Variants in PAK2 observed in about 807,000 individuals in gnomAD.
The protein encoded by PAK2 is serine/threonine-protein kinase PAK 2.
PAK2 carries 21 observed loss-of-function variants against 65.9 expected under a neutral mutation model. The ratio of observed to expected loss-of-function variants is 0.32; its 90% CI spans 0.23 to 0.46. PAK2 has a LOEUF of 0.46. Among genes scored for constraint, PAK2 ranks in the 20% least tolerant of loss-of-function variants. The pLI is 1.00. For missense variants in PAK2, 324 were observed against 642.6 expected (o/e 0.50, Z 5.36); for synonymous variants, 204 against 219.7 (o/e 0.93, Z 0.63).
intron 1 of PAK2, among the ~76,000 whole-genome samples, chr3:196,772,922 A>C (rs1714405593): frequency 6.6e-6 from 1 of 152,218 alleles, no homozygotes; most frequent in Non-Finnish European, 1.5e-5. Context: ...AATGCTTTTT[A>C]AATCATTGTG....
At chr3:196,753,542 AT>A (rs749815436) in intron 1 of PAK2, among the ~76,000 whole-genome samples, 1 of 152,248 alleles carries the variant, frequency 6.6e-6, no homozygotes, top group Non-Finnish European at 1.5e-5. Context: ...AACACAAGTT[AT>A]TGAAACCTTG....
At position 196,830,283 on chromosome 3, in the gene PAK2, A is replaced by G. The variant is rs939666525; in HGVS notation, c.*1878A>G. The G allele has an allele frequency of 6.6e-6, 1 of 152,202 alleles. No homozygotes were observed. The highest frequency in any genetic ancestry group is 2.4e-5 in the African/African-American group (1 of 41,454). The allele number at this position is 152,202 out of a possible 1,614,324, so 9.4% of individuals were successfully genotyped here. A position where few individuals can be genotyped will look rare whatever the true frequency, so the allele number is the denominator to read the frequency against. On this transcript the variant is annotated 3_prime_UTR_variant, in exon 15 of 15. Transcript: ENST00000327134. Reference sequence around the variant, plus strand: ...GAGCACTTAATGGTCTCTGTTTTCAATATAATTCTTGATTTCATTTTTCTC... The same window carrying G: ...GAGCACTTAATGGTCTCTGTTTTCAGTATAATTCTTGATTTCATTTTTCTC...
intron 1 of PAK2, among the ~76,000 whole-genome samples, chr3:196,779,589 C>T (rs112508277): frequency 1.3e-5 from 2 of 152,308 alleles, no homozygotes; most frequent in African/African-American, 4.8e-5. Flanking sequence ...GCAGTTTCTA[C>T]TCACATTCCA....
rs576472570 is a variant in PAK2, at chr3:196,824,580, C to T, written c.1351-2616C>T. Among the ~76,000 whole-genome samples, 7 of 152,034 alleles carry T rather than the reference C, an allele frequency of 4.6e-5. No homozygotes were observed. In the South Asian group the frequency reaches 6.2e-4, roughly 14 times the overall value. ...GTGGTTATGGGGTTTGGCAGGGGATCGGGGGTAGAGAGGATGAGTAGGTGA... is the reference window on the plus strand; with the variant it reads ...GTGGTTATGGGGTTTGGCAGGGGATTGGGGGTAGAGAGGATGAGTAGGTGA... On this transcript the variant is annotated intron_variant, in intron 13 of 14. Transcript: ENST00000327134.
intron 10 of PAK2, among the ~76,000 whole-genome samples, chr3:196,813,811 A>G (rs1715905806): frequency 1.3e-5 from 2 of 151,152 alleles, no homozygotes; most frequent in Non-Finnish European, 3.0e-5. Context: ...TTAGCTGGGC[A>G]TGGTGCCGCA....
chr3:196,808,628 A>G (rs1299277568), intron 7 of PAK2, among the ~76,000 whole-genome samples: 1 of 149,764 alleles, frequency 6.7e-6, no homozygotes, highest in African/African-American at 2.5e-5. Flanking sequence ...ACTTTGGGAG[A>G]CCAAGGTGGG....
chr3:196,793,893 A>G (rs1183048641), intron 2 of PAK2, among the ~76,000 whole-genome samples: 2 of 152,114 alleles, frequency 1.3e-5, no homozygotes, highest in Non-Finnish European at 2.9e-5. Flanking sequence ...CACTTTGGGA[A>G]GCCAAGGTGG....
intron 1 of PAK2, among the ~76,000 whole-genome samples, chr3:196,756,335 C>T (rs1713768470): frequency 1.3e-5 from 2 of 152,126 alleles, no homozygotes; most frequent in African/African-American, 2.4e-5. Flanking sequence ...CCTTTTCATC[C>T]TTCAAAAAGC....
At chr3:196,775,967 A>G (rs192387999) in intron 1 of PAK2, among the ~76,000 whole-genome samples, 110 of 152,330 alleles carry the variant, frequency 7.2e-4, no homozygotes, top group African/African-American at 2.2e-3. Flanking sequence ...TGAAATAAAT[A>G]TGAGTCTTCT....
At position 196,789,907 on chromosome 3, in the gene PAK2, C is replaced by T. The variant is rs147443945; in HGVS notation, c.187+7074C>T. ...CATGCGCAGTTCACAATAGGGTTTG[C>T]GCTCCTATGGGGATCTAATGCTGCC... is the stretch of plus-strand genomic sequence containing the variant. On this transcript the variant is annotated intron_variant, in intron 2 of 14. Transcript: ENST00000327134. Among the ~76,000 whole-genome samples the T allele has an allele frequency of 7.3e-3, 1,114 of 152,294 alleles. 14 individuals carry two copies. Among genetic ancestry groups the T allele is most frequent in the African/African-American group, 0.025 (1,042 of 41,554 alleles).
intron 2 of PAK2, among the ~76,000 whole-genome samples, chr3:196,797,612 C>T (rs1011423758): frequency 2.6e-5 from 4 of 151,846 alleles, no homozygotes; most frequent in South Asian, 4.2e-4. Context: ...ATTAGCCAGG[C>T]GTGGTCGTGG....
At chr3:196,773,034 T>C (rs1714410167) in intron 1 of PAK2, among the ~76,000 whole-genome samples, 1 of 152,226 alleles carries the variant, frequency 6.6e-6, no homozygotes, top group African/African-American at 2.4e-5. Context: ...CGGTTCCAGA[T>C]ACCACTCCGC....
chr3:196,783,678 C>T (rs941899552), intron 2 of PAK2, among the ~76,000 whole-genome samples: 1 of 152,128 alleles, frequency 6.6e-6, no homozygotes, highest in Non-Finnish European at 1.5e-5. Context: ...CTGAAGTCCC[C>T]ATCTGCTATA....
At chr3:196,827,846 C>T (rs2108778926) in intron 14 of PAK2, among the ~76,000 whole-genome samples, 1 of 150,730 alleles carries the variant, frequency 6.6e-6, no homozygotes, top group Non-Finnish European at 1.5e-5. Context: ...GACCTGTTTA[C>T]AGTTTGTGCA....
At chr3:196,788,919 G>A (rs1307431143) in intron 2 of PAK2, among the ~76,000 whole-genome samples, 1 of 152,140 alleles carries the variant, frequency 6.6e-6, no homozygotes, top group Non-Finnish European at 1.5e-5. Flanking sequence ...CAGCAGAAGA[G>A]GCTGAAGAGG....
At chr3:196,788,102 T>C (rs1714955903) in intron 2 of PAK2, among the ~76,000 whole-genome samples, 1 of 152,234 alleles carries the variant, frequency 6.6e-6, no homozygotes, top group Non-Finnish European at 1.5e-5. Context: ...TCGCTAGTCT[T>C]ATGCTAATTG....
At chr3:196,827,622 A>G (rs546230387) in intron 14 of PAK2, among the ~76,000 whole-genome samples, 1 of 151,780 alleles carries the variant, frequency 6.6e-6, no homozygotes, top group Non-Finnish European at 1.5e-5. Flanking sequence ...GGGAGTGGGG[A>G]GGGATAGCAT....
At chr3:196,785,831 C>G (rs1429207547) in intron 2 of PAK2, among the ~76,000 whole-genome samples, 2 of 152,124 alleles carry the variant, frequency 1.3e-5, no homozygotes, top group African/African-American at 4.8e-5. Flanking sequence ...TGCAGGGAAA[C>G]TCCCCCTTTT....
chr3:196,760,554 G>A (rs977209285), intron 1 of PAK2, among the ~76,000 whole-genome samples: 9 of 152,144 alleles, frequency 5.9e-5, no homozygotes, highest in African/African-American at 2.2e-4. Context: ...CCTGGACTCT[G>A]AGTATGATTT....
Sources: gnomAD v4.1 joint callset for allele counts (sites outside exome capture counted in the v4.1 genomes callset) on GRCh38, gnomAD v4.1.1 for gene constraint, MANE v1.5 for transcripts, NCBI Gene and HGNC (gene_info 2026-07-23, HGNC 2026-07-21) for gene names.